SLC27A1: variants seen among roughly 807,000 people sequenced by gnomAD.
SLC27A1 encodes solute carrier family 27 member 1.
Under a neutral mutation model 62.2 loss-of-function variants are expected in SLC27A1, and 61 were observed. The ratio of observed to expected loss-of-function variants is 0.98; its 90% CI spans 0.80 to 1.21. The LOEUF (loss-of-function observed/expected upper bound fraction) is 1.21. Ranked by LOEUF, SLC27A1 falls within the 50% of genes most tolerant of loss-of-function variation. The probability of loss-of-function intolerance (pLI) is 0.00; values close to 1 mark genes in which losing one functional copy is unlikely to be tolerated. For synonymous variants in SLC27A1, 435 were observed against 408.6 expected (o/e 1.06, Z -0.78); for missense variants, 903 against 932.1 (o/e 0.97, Z 0.41).
chr19:17,494,801 A>G (rs1031997984), intron 6 of SLC27A1, among the ~76,000 whole-genome samples: 20 of 150,244 alleles, frequency 1.3e-4, no homozygotes, highest in Non-Finnish European at 8.9e-5. Context: ...TGTTTCCAAA[A>G]AAAAAAAAAA....
At chr19:17,504,159 T>C (rs912722905) in intron 11 of SLC27A1, among the ~76,000 whole-genome samples, 3 of 152,092 alleles carry the variant, frequency 2.0e-5, no homozygotes, top group African/African-American at 7.2e-5. Context: ...TGCTAAACTC[T>C]TATTCACTGT....
intron 6 of SLC27A1, among the ~76,000 whole-genome samples, chr19:17,490,604 C>G (rs1287070992): frequency 6.6e-6 from 1 of 152,168 alleles, no homozygotes; most frequent in Admixed American, 6.6e-5. Flanking sequence ...ACATCCTCCC[C>G]TCGGTGATGG....
chr19:17,473,416 A>G (rs557231047), intron 1 of SLC27A1, among the ~76,000 whole-genome samples: 15 of 152,264 alleles, frequency 9.9e-5, no homozygotes, highest in Admixed American at 9.2e-4. Flanking sequence ...TTGATTTCCA[A>G]TTCACCTTTA....
At chr19:17,477,250 T>TTTTTTTTTTTTTTTTTTTTTC (rs1157294166) in intron 1 of SLC27A1, among the ~76,000 whole-genome samples, 1 of 133,088 alleles carries the variant, frequency 7.5e-6, no homozygotes, top group African/African-American at 2.8e-5. Flanking sequence ...CTTTTTTTTT[T>TTTTTTTTTTTTTTTTTTTTTC]TTTTTTTTTT....
At chr19:17,489,140 C>G in intron 6 of SLC27A1, 23 bp downstream of exon 6, 2 of 1,595,598 alleles carry the variant, frequency 1.3e-6, no homozygotes, top group Non-Finnish European at 1.7e-6. Context: ...CCTGTTCTGT[C>G]TAGACCCCGC....
At chr19:17,469,346 T>A (rs1178077440), upstream of SLC27A1, among the ~76,000 whole-genome samples, 11 of 152,008 alleles carry the variant, frequency 7.2e-5, no homozygotes, top group Non-Finnish European at 1.6e-4. Context: ...CGAAAGAGGC[T>A]TTGGGGCTTG....
At chr19:17,485,842 A>C (rs909781503) in intron 1 of SLC27A1, among the ~76,000 whole-genome samples, 5 of 152,072 alleles carry the variant, frequency 3.3e-5, no homozygotes, top group Non-Finnish European at 5.9e-5. Flanking sequence ...AAACAAAAAA[A>C]CAGTTCATTC....
chr19:17,492,427 C>G (rs537296397), intron 6 of SLC27A1: 22 of 152,144 alleles, frequency 1.4e-4, no homozygotes, highest in Admixed American at 1.4e-3. Flanking sequence ...ATAAGGCACA[C>G]AGTGAACATT....
chr19:17,489,190 A>C (rs1222840663), intron 6 of SLC27A1, 73 bp downstream of exon 6: 7 of 1,259,370 alleles, frequency 5.6e-6, no homozygotes, highest in African/African-American at 5.1e-5. Flanking sequence ...ATCAGGCCCC[A>C]CCTCCTCCCG....
rs2075114016 is a variant in SLC27A1, at chr19:17,475,510, G to T, written c.167+4803G>T. Reference sequence around the variant, plus strand: ...TGATTGCCCCACTGCACTCCAGCCTGGGTGAGGGAGCAAGACTCTGTCTTG... The same window carrying T: ...TGATTGCCCCACTGCACTCCAGCCTTGGTGAGGGAGCAAGACTCTGTCTTG... On this transcript the variant is annotated intron_variant, in intron 1 of 11. Transcript: ENST00000252595. Among the ~76,000 whole-genome samples, 3 of 152,244 alleles carry T rather than the reference G, an allele frequency of 2.0e-5. No individual in the cohort carries two copies. The South Asian group carries it at 6.2e-4, about 32-fold the overall frequency.
chr19:17,505,699 G>C lies in SLC27A1; in HGVS notation c.*1087G>C, dbSNP rs2075472689. ...CCTGCACTGCGTGGCTGCCCAGCCA[G>C]CTGCCTCCTGTCCTGGGAGGAGGCC... On this transcript the variant is annotated 3_prime_UTR_variant, in exon 12 of 12. Transcript: ENST00000252595. The C allele has an allele frequency of 2.6e-5, 4 of 152,824 alleles. No homozygotes were observed. In the Admixed American group the frequency reaches 2.6e-4, roughly 10 times the overall value. The allele number at this position is 152,824 out of a possible 1,614,324, so 9.5% of individuals were successfully genotyped here.
rs756900330 is a variant in SLC27A1 at position 17,486,731 on chromosome 19, C to G, written c.336C>G (p.Tyr112Ter). The change falls in exon 2 of 12, where the codon TAC becomes TAG. Residue 112 changes from tyrosine to a stop codon, truncating the protein, a stop_gained. Coordinates refer to ENST00000252595, the MANE Select transcript of SLC27A1 (RefSeq NM_198580.3). LOFTEE classifies it high-confidence loss of function. The surrounding 1 kb of genome is among the most constrained non-coding windows in gnomAD (Gnocchi z 6.6). ...ECWTFAQLDA[Y>*]SNAVANLFRQ... Reference sequence around the variant, plus strand: ...GGACCTTTGCGCAGCTGGACGCCTACTCCAATGCGGTAGCCAACCTCTTCC... The same window carrying G: ...GGACCTTTGCGCAGCTGGACGCCTAGTCCAATGCGGTAGCCAACCTCTTCC... 1 of 1,611,706 alleles carries G rather than the reference C, an allele frequency of 6.2e-7. No individual in the cohort carries two copies. The highest frequency in any genetic ancestry group is 1.7e-5 in the Admixed American group (1 of 59,962).
Position 17,501,306 on chromosome 19 carries a change from C to A in SLC27A1, c.1670C>A (p.Ala557Glu), listed in dbSNP as rs541048652. 27 of 1,613,648 alleles carry A rather than the reference C, an allele frequency of 1.7e-5. No individual in the cohort carries two copies. The highest frequency in any genetic ancestry group is 2.3e-5 in the Non-Finnish European group (27 of 1,179,970). Residue 557 changes from alanine (A) to glutamate (E), a missense_variant, in exon 11 of 12, where the codon GCA becomes GAA. Transcript: ENST00000252595. ...GGTAAGGCAGGGATGGCGGCCGTCG[C>A]AGACCCCCACAGCCTGCTGGACCCC... ...VEGKAGMAAVADPHSLLDPNA... is the reference protein window; with the variant it reads ...VEGKAGMAAVEDPHSLLDPNA...
chr19:17,493,250 A>T (rs566847336), intron 6 of SLC27A1, among the ~76,000 whole-genome samples: 1 of 151,696 alleles, frequency 6.6e-6, no homozygotes, highest in Non-Finnish European at 1.5e-5. Flanking sequence ...CCTGGCCAAC[A>T]TGGTGAAACC....
At chr19:17,469,902 C>A (rs1161312594), upstream of SLC27A1, among the ~76,000 whole-genome samples, 1 of 3,984 alleles carries the variant, frequency 2.5e-4, no homozygotes, top group African/African-American at 1.2e-3. Flanking sequence ...GTGCTTATTG[C>A]GGGGGGGTGG....
chr19:17,503,175 C>T (rs923854049), intron 11 of SLC27A1, among the ~76,000 whole-genome samples: 8 of 152,126 alleles, frequency 5.3e-5, no homozygotes, highest in African/African-American at 1.9e-4. Flanking sequence ...TACCTCCCAC[C>T]GGGTCCCTCC....
Position 17,504,453 on chromosome 19 carries a change from A to G in SLC27A1, c.1784-2A>G, listed in dbSNP as rs1306914735. The G allele has an allele frequency of 6.2e-7, 1 of 1,614,028 alleles. No homozygotes were observed. Among genetic ancestry groups the G allele is most frequent in the Non-Finnish European group, 8.5e-7 (1 of 1,180,006 alleles). On this transcript the variant is annotated splice_acceptor_variant, in intron 11 of 11. Transcript: ENST00000252595. LOFTEE classifies it high-confidence loss of function. ...CTTATCTGCCCCCCATCCCCACTATAGGCACCTTCAAGATCCAGAAGACGA... is the reference window on the plus strand; with the variant it reads ...CTTATCTGCCCCCCATCCCCACTATGGGCACCTTCAAGATCCAGAAGACGA...
chr19:17,480,259 C>G (rs1432438863), intron 1 of SLC27A1, among the ~76,000 whole-genome samples: 1 of 152,118 alleles, frequency 6.6e-6, no homozygotes, highest in Non-Finnish European at 1.5e-5. Context: ...AACTCCTGAC[C>G]TCAAGTGATC....
intron 1 of SLC27A1, among the ~76,000 whole-genome samples, chr19:17,476,816 T>C (rs1227066416): frequency 6.6e-6 from 1 of 150,726 alleles, no homozygotes; most frequent in East Asian, 2.0e-4. Flanking sequence ...TTTTGGAGGG[T>C]GGATATAAGG....
Sources: allele counts gnomAD v4.1 joint callset (sites outside exome capture counted in the v4.1 genomes callset), GRCh38; gene constraint gnomAD v4.1.1; non-coding constraint Gnocchi (gnomAD v3.1); transcripts MANE v1.5; gene names NCBI Gene and HGNC (gene_info 2026-07-23, HGNC 2026-07-21).